ANKDD1B: variants seen among roughly 807,000 people sequenced by gnomAD.
ANKDD1B encodes the protein ankyrin repeat and death domain-containing protein 1B.
In ANKDD1B, 57 loss-of-function variants were observed where a neutral mutation model predicts 59.7. The observed-to-expected ratio is 0.95, with a 90% CI of 0.77 to 1.19. The LOEUF is 1.19. Ranked by LOEUF, ANKDD1B falls within the 50% of genes most tolerant of loss-of-function variation. The pLI is 0.00. For synonymous variants in ANKDD1B, 216 were observed against 239.5 expected (o/e 0.90, Z 0.91); for missense variants, 602 against 641.9 (o/e 0.94, Z 0.67).
chr5:75,657,507 C>G (rs1775006281), intron 9 of ANKDD1B, among the ~76,000 whole-genome samples: 1 of 152,098 alleles, frequency 6.6e-6, no homozygotes, highest in African/African-American at 2.4e-5. Context: ...ATTCCATTTT[C>G]ATCTGTTCCA....
chr5:75,658,630 A>G (rs575994710), intron 9 of ANKDD1B, among the ~76,000 whole-genome samples: 1 of 152,324 alleles, frequency 6.6e-6, no homozygotes, highest in African/African-American at 2.4e-5. Context: ...AGACCTTATC[A>G]TTAGCATTTT....
chr5:75,629,539 A>G lies in ANKDD1B; in HGVS notation c.600+3584A>G, dbSNP rs1774091693. 2.0e-5 allele frequency among the ~76,000 whole-genome samples: 3 copies of G among 152,118 alleles called. No homozygotes were observed. The South Asian group carries it at 6.2e-4, about 32-fold the overall frequency. On this transcript the variant is annotated intron_variant, in intron 5 of 13. Transcript: ENST00000601380. Reference sequence around the variant, plus strand: ...GCTGAATTTGATAACATCAAATTTGATTACTTCATCTTCTCAATAAACTTA... The same window carrying G: ...GCTGAATTTGATAACATCAAATTTGGTTACTTCATCTTCTCAATAAACTTA...
chr5:75,658,062 T>A (rs943727651), intron 9 of ANKDD1B, among the ~76,000 whole-genome samples: 2 of 150,092 alleles, frequency 1.3e-5, no homozygotes, highest in Admixed American at 1.3e-4. Flanking sequence ...AAAAAAAAAA[T>A]TAGTAGAGCC....
At chr5:75,623,520 G>T (rs575351792) in intron 3 of ANKDD1B, among the ~76,000 whole-genome samples, 1 of 152,294 alleles carries the variant, frequency 6.6e-6, no homozygotes, top group South Asian at 2.1e-4. Flanking sequence ...TTGGAACAAA[G>T]AGTCCAGAAA....
chr5:75,629,355 G>A lies in ANKDD1B; in HGVS notation c.600+3400G>A, dbSNP rs888634416. Among the ~76,000 whole-genome samples, 122 of 151,908 alleles carry A rather than the reference G, an allele frequency of 8.0e-4. 1 individual carries two copies. The highest frequency in any genetic ancestry group is 2.7e-3 in the African/African-American group (110 of 41,434). On this transcript the variant is annotated intron_variant, in intron 5 of 13. Coordinates refer to ENST00000601380, the MANE Select transcript of ANKDD1B (RefSeq NM_001276713.2). ...TCCCCTGCCTCAAGTGCCTGATCCC[G>A]GGGTGATGGGAAATGTTGTAGGCAG...
chr5:75,622,327 G>A (rs1773869831), intron 3 of ANKDD1B, among the ~76,000 whole-genome samples: 1 of 152,162 alleles, frequency 6.6e-6, no homozygotes, highest in Non-Finnish European at 1.5e-5. Context: ...GCCTTAATCA[G>A]AATCTGCATT....
chr5:75,632,041 A>G (rs1375215718), intron 5 of ANKDD1B, among the ~76,000 whole-genome samples: 2 of 149,974 alleles, frequency 1.3e-5, no homozygotes, highest in East Asian at 4.0e-4. Context: ...CAGAAGGCAG[A>G]GGTTGCAATG....
rs76777064 is a variant in ANKDD1B, at chr5:75,652,934, T to A, written c.799-208T>A. Among the ~76,000 whole-genome samples, 168 of 152,358 alleles carry A rather than the reference T, an allele frequency of 1.1e-3. 1 individual carries two copies. In the East Asian group the frequency reaches 0.028, roughly 26 times the overall value. On this transcript the variant is annotated intron_variant, in intron 7 of 13. Coordinates refer to ENST00000601380, the MANE Select transcript of ANKDD1B (RefSeq NM_001276713.2). ...ACAGCATAGTAACATAGTAACATAG[T>A]TAAGTACTTGTGCCATAGGAATTTT...
At position 75,625,751 on chromosome 5, in the gene ANKDD1B, T is replaced by A; in HGVS notation, c.495+6T>A. ...ACCAGAGAGCCAAGAATCAGGTAGG[T>A]ATGTGGGTCACACCTGGACAAAAGC... On this transcript the variant is annotated splice_donor_region_variant and intron_variant, in intron 4 of 13. Coordinates refer to ENST00000601380, the MANE Select transcript of ANKDD1B (RefSeq NM_001276713.2). 1 of 1,535,990 alleles carries A rather than the reference T, an allele frequency of 6.5e-7. No homozygotes were observed. The highest frequency in any genetic ancestry group is 1.4e-5 in the African/African-American group (1 of 73,100).
chr5:75,625,713 A>C lies in ANKDD1B; in HGVS notation c.463A>C (p.Lys155Gln). Residue 155 changes from lysine to glutamine, a missense_variant, in exon 4 of 14, where the codon AAA becomes CAA. This residue lies in a region of ANKDD1B where 317 missense variants were observed against 304.6 expected (regional missense o/e 1.04). Transcript: ENST00000601380. ...CCTTGAGGTCATGCTCATGCTGGTT[A>C]AAGCTGGAGCAGACCAGAGAGCCAA... ...GSLEVMLMLV[K>Q]AGADQRAKNQ... is the part of the protein sequence containing the mutation. The C allele has an allele frequency of 6.5e-7, 1 of 1,536,430 alleles. No individual in the cohort carries two copies. Among genetic ancestry groups the C allele is most frequent in the South Asian group, 1.2e-5 (1 of 84,048 alleles).
intron 12 of ANKDD1B, among the ~76,000 whole-genome samples, chr5:75,667,240 A>G (rs949685530): frequency 6.6e-6 from 1 of 152,230 alleles, no homozygotes; most frequent in East Asian, 1.9e-4. Flanking sequence ...GTATTGACCC[A>G]TATCAGACAT....
intron 7 of ANKDD1B, among the ~76,000 whole-genome samples, chr5:75,644,416 A>G (rs1204251999): frequency 3.4e-5 from 3 of 88,860 alleles, no homozygotes; most frequent in Non-Finnish European, 5.7e-5. Flanking sequence ...TACCAAGCCA[A>G]TGGAAAACAA....
chr5:75,642,453 G>T (rs1298608418), intron 7 of ANKDD1B, among the ~76,000 whole-genome samples: 1 of 140,618 alleles, frequency 7.1e-6, no homozygotes, highest in African/African-American at 2.7e-5. Context: ...AGGGGTCAGG[G>T]AGTTCCCTTT....
chr5:75,617,895 C>T (rs958344670), intron 2 of ANKDD1B, among the ~76,000 whole-genome samples: 3 of 151,962 alleles, frequency 2.0e-5, no homozygotes, highest in Admixed American at 1.3e-4. Flanking sequence ...AAATCATGTC[C>T]CACGTGCAGT....
At chr5:75,614,331 T>C (rs534383876) in intron 1 of ANKDD1B, among the ~76,000 whole-genome samples, 1 of 152,336 alleles carries the variant, frequency 6.6e-6, no homozygotes, top group Non-Finnish European at 1.5e-5. Flanking sequence ...TCTTTTGTAA[T>C]AGTCAGTAAG....
intron 5 of ANKDD1B, among the ~76,000 whole-genome samples, chr5:75,626,411 A>G (rs1277967886): frequency 1.3e-5 from 2 of 152,202 alleles, no homozygotes; most frequent in Admixed American, 6.5e-5. Context: ...ACCAGCTACT[A>G]CTTAACGAGT....
At chr5:75,668,126 T>C (rs1394433703) in intron 12 of ANKDD1B, among the ~76,000 whole-genome samples, 2 of 152,176 alleles carry the variant, frequency 1.3e-5, no homozygotes, top group Non-Finnish European at 2.9e-5. Flanking sequence ...CTTGAAAATA[T>C]AGTGTATCTT....
At chr5:75,624,873 T>C (rs996874510) in intron 3 of ANKDD1B, among the ~76,000 whole-genome samples, 9 of 152,224 alleles carry the variant, frequency 5.9e-5, no homozygotes, top group Non-Finnish European at 1.3e-4. Context: ...ATATTTATTG[T>C]CTATCTTATT....
At chr5:75,635,511 T>G in intron 6 of ANKDD1B, 1 of 289,644 alleles carries the variant, frequency 3.5e-6, no homozygotes, top group Non-Finnish European at 6.3e-6. Context: ...TGGAATTGCT[T>G]TTGTTGCTCC....
Sources: gnomAD v4.1 joint callset for allele counts (sites outside exome capture counted in the v4.1 genomes callset) on GRCh38, gnomAD v4.1.1 for gene constraint, gnomAD v4.1.1 regional missense constraint, MANE v1.5 for transcripts, NCBI Gene and HGNC (gene_info 2026-07-23, HGNC 2026-07-21) for gene names.